Variants in PRCC observed in about 807,000 individuals in gnomAD.
PRCC encodes the protein proline rich mitotic checkpoint control factor.
Under a neutral mutation model 44.0 loss-of-function variants are expected in PRCC, and 10 were observed. The observed-to-expected ratio is 0.23, with a 90% CI of 0.14 to 0.39. The LOEUF (loss-of-function observed/expected upper bound fraction) is 0.39, where lower values mean the gene tolerates loss of function less well. Ranked by LOEUF, PRCC falls within the 10% of genes least tolerant of loss-of-function variation. The probability of loss-of-function intolerance (pLI) is 1.00; values close to 1 mark genes in which losing one functional copy is unlikely to be tolerated. For synonymous variants in PRCC, 278 were observed against 259.5 expected, an observed-to-expected ratio of 1.07 and a Z score of -0.69; for missense variants, 573 against 624.7, an observed-to-expected ratio of 0.92 and a Z score of 0.88.
At chr1:156,776,257 C>T (rs1651824187) in intron 1 of PRCC, among the ~76,000 whole-genome samples, 1 of 152,168 alleles carries the variant, frequency 6.6e-6, no homozygotes, top group African/African-American at 2.4e-5. Context: ...GTAGTCCCAG[C>T]TACCTGGGAG....
intron 6 of PRCC, among the ~76,000 whole-genome samples, chr1:156,798,840 C>CAAAA (rs890646541): frequency 0.014 from 776 of 53,622 alleles, 13 homozygotes; most frequent in African/African-American, 0.044. Context: ...GACTCCATCT[C>CAAAA]AAAAAAAAAA....
At chr1:156,770,437 C>T (rs897871717) in intron 1 of PRCC, among the ~76,000 whole-genome samples, 2 of 152,324 alleles carry the variant, frequency 1.3e-5, no homozygotes, top group Non-Finnish European at 2.9e-5. Context: ...TGCAATGGCA[C>T]AATCTCAGCT....
At chr1:156,780,930 T>TGCTG (rs1345460013) in intron 1 of PRCC, among the ~76,000 whole-genome samples, 1 of 152,170 alleles carries the variant, frequency 6.6e-6, no homozygotes, top group African/African-American at 2.4e-5. Context: ...GGTTTCACCA[T>TGCTG]GCTGGCCAGG....
intron 5 of PRCC, among the ~76,000 whole-genome samples, chr1:156,795,164 T>C (rs2102773036): frequency 6.6e-6 from 1 of 152,154 alleles, no homozygotes; most frequent in Admixed American, 6.6e-5. Flanking sequence ...GATTTAAAGT[T>C]TTTTGCTTTT....
chr1:156,778,038 TA>T (rs1405120071), intron 1 of PRCC, among the ~76,000 whole-genome samples: 1 of 152,250 alleles, frequency 6.6e-6, no homozygotes, highest in Non-Finnish European at 1.5e-5. Context: ...TTCAAATGCT[TA>T]TTTTTTTTGT....
intron 1 of PRCC, among the ~76,000 whole-genome samples, chr1:156,771,316 T>C (rs1420500648): frequency 3.3e-5 from 5 of 152,180 alleles, no homozygotes; most frequent in Admixed American, 6.5e-5. Context: ...TGCTAGGGTC[T>C]TTCTACCTCA....
At chr1:156,795,308 T>TC (rs1652628364) in intron 5 of PRCC, among the ~76,000 whole-genome samples, 1 of 118,254 alleles carries the variant, frequency 8.5e-6, no homozygotes, top group South Asian at 2.8e-4. Flanking sequence ...TTTTTTTTTT[T>TC]TCAGAGTCTC....
In PRCC at chr1:156,798,773, C is replaced by T. The variant is rs535693776; in HGVS notation, c.1389+1432C>T. ...CTGAGGCAGGAGAATCGCTTGAACCCGGGAGGTGGAGGTTGCAGTGAGCTG... is the reference window on the plus strand; with the variant it reads ...CTGAGGCAGGAGAATCGCTTGAACCTGGGAGGTGGAGGTTGCAGTGAGCTG... On this transcript the variant is annotated intron_variant, in intron 6 of 6. Transcript: ENST00000271526. 1.3e-4 allele frequency among the ~76,000 whole-genome samples: 19 copies of T among 147,710 alleles called. 1 individual carries two copies. The highest frequency in any genetic ancestry group is 4.0e-4 in the African/African-American group (16 of 39,672).
intron 3 of PRCC, among the ~76,000 whole-genome samples, chr1:156,788,885 C>T (rs1156973816): frequency 1.3e-5 from 2 of 150,864 alleles, no homozygotes; most frequent in East Asian, 3.9e-4. Context: ...AGGCTGGTCT[C>T]GAACTCCTGA....
intron 6 of PRCC, among the ~76,000 whole-genome samples, chr1:156,798,247 T>C (rs1652728255): frequency 6.6e-6 from 1 of 152,204 alleles, no homozygotes; most frequent in South Asian, 2.1e-4. Context: ...ATTTTGTATT[T>C]TGCAAAATGT....
At chr1:156,787,650 C>CTTCTTTTTTTTT in intron 3 of PRCC, among the ~76,000 whole-genome samples, 1 of 54,172 alleles carries the variant, frequency 1.8e-5, no homozygotes, top group South Asian at 7.1e-4. Context: ...GGTTTTTGGC[C>CTTCTTTTTTTTT]TTTTTTTTTT....
intron 6 of PRCC, 28 bp downstream of exon 6, chr1:156,797,369 A>G (rs1652691600): frequency 6.2e-7 from 1 of 1,613,498 alleles, no homozygotes; most frequent in Non-Finnish European, 8.5e-7. Context: ...GCTCTGGCTC[A>G]GGCAGGATCT....
chr1:156,784,415 G>A (rs1652159842), intron 2 of PRCC, among the ~76,000 whole-genome samples: 1 of 152,168 alleles, frequency 6.6e-6, no homozygotes, highest in South Asian at 2.1e-4. Context: ...TCTTCCAGGT[G>A]GTAGGAAGAA....
rs146260556 is a variant in PRCC, at chr1:156,779,401, T to C, written c.469-2881T>C. On this transcript the variant is annotated intron_variant, in intron 1 of 6. Transcript: ENST00000271526. Reference sequence around the variant, plus strand: ...ATTACTGAGACCAAGTCTCGCTCTATCACCCAGGCTGGAGTGTAGTGGCGC... The same window carrying C: ...ATTACTGAGACCAAGTCTCGCTCTACCACCCAGGCTGGAGTGTAGTGGCGC... Among the ~76,000 whole-genome samples, 1,036 of 152,048 alleles carry C rather than the reference T, an allele frequency of 6.8e-3. 8 individuals are homozygous for C. Among genetic ancestry groups the C allele is most frequent in the Non-Finnish European group, 7.9e-3 (540 of 67,994 alleles).
chr1:156,768,040 T>TC lies in PRCC; in HGVS notation c.275dup (p.Pro93ThrfsTer8). The TC allele has an allele frequency of 6.3e-7, 1 of 1,577,280 alleles. No individual in the cohort carries two copies. On this transcript the variant is annotated frameshift_variant, in exon 1 of 7. Transcript: ENST00000271526. LOFTEE classifies it high-confidence loss of function. ...CCCTTGCCCTTCGGCCTGGGAGGCT[T>TC]CCCCCCACCTCCAGGCGTGAGCCCG...
rs531076411 is a variant in PRCC, at chr1:156,789,063, A to G, written c.1083+1889A>G. ...CGGCTCACTGCAACCTCCACCTCCC[A>G]GGTTCAAGCGATTCTCCCGCCTCAG... On this transcript the variant is annotated intron_variant, in intron 3 of 6. Coordinates refer to ENST00000271526, the MANE Select transcript of PRCC (RefSeq NM_005973.5). Among the ~76,000 whole-genome samples the G allele has an allele frequency of 5.3e-5, 8 of 152,190 alleles. No homozygotes were observed. The South Asian group carries it at 1.7e-3, about 32-fold the overall frequency.
chr1:156,778,861 G>A (rs895114107), intron 1 of PRCC, among the ~76,000 whole-genome samples: 4 of 149,348 alleles, frequency 2.7e-5, no homozygotes, highest in Non-Finnish European at 4.5e-5. Flanking sequence ...GTGCAATGGC[G>A]CAATCTCGGC....
chr1:156,774,177 TTTTTTTTTTTTTTTTTG>T (rs1323874084), intron 1 of PRCC, among the ~76,000 whole-genome samples: 2 of 80,038 alleles, frequency 2.5e-5, no homozygotes, highest in African/African-American at 3.8e-5. Flanking sequence ...TTTTTTTTTT[TTTTTTTTTTTTTTTTTG>T]AGACAGAGTC....
At position 156,767,957 on chromosome 1, in the gene PRCC, T is replaced by TC; in HGVS notation, c.191dup (p.Pro65AlafsTer36). The TC allele has an allele frequency of 6.3e-7, 1 of 1,577,900 alleles. No homozygotes were observed. The highest frequency in any genetic ancestry group is 8.6e-7 in the Non-Finnish European group (1 of 1,162,224). On this transcript the variant is annotated frameshift_variant, in exon 1 of 7. Transcript: ENST00000271526. LOFTEE classifies it high-confidence loss of function. ...CCCCTCAGATGCTGGCGCCAGCCTT[T>TC]CCCCCGCCGCTGTTGCTTCCCCCAC... is the stretch of plus-strand genomic sequence containing the variant.
Sources: allele counts gnomAD v4.1 joint callset (sites outside exome capture counted in the v4.1 genomes callset), GRCh38; gene constraint gnomAD v4.1.1; transcripts MANE v1.5; gene names NCBI Gene and HGNC (gene_info 2026-07-23, HGNC 2026-07-21).